DSCAM: variants seen among roughly 807,000 people sequenced by gnomAD.
DSCAM encodes DS cell adhesion molecule.
A neutral mutation model predicts 217.7 loss-of-function variants in DSCAM; 47 were observed. The ratio of observed to expected loss-of-function variants is 0.22; its 90% CI spans 0.17 to 0.28. The LOEUF is 0.28. Ranked by LOEUF, DSCAM falls within the 10% of genes least tolerant of loss-of-function variation. The pLI, the probability that DSCAM is intolerant of heterozygous loss-of-function variation, is 1.00. For synonymous variants in DSCAM, 1,056 were observed against 1,015.3 expected (o/e 1.04, Z -0.76); for missense variants, 2,080 against 2,618.3 (o/e 0.79, Z 4.49).
intron 3 of DSCAM, among the ~76,000 whole-genome samples, chr21:40,473,383 A>T (rs970966476): frequency 6.6e-6 from 1 of 152,242 alleles, no homozygotes; most frequent in African/African-American, 2.4e-5. Context: ...CATAGGCAGT[A>T]ACTAAATCAA....
At chr21:40,314,362 A>G (rs1319986855) in intron 8 of DSCAM, among the ~76,000 whole-genome samples, 2 of 152,156 alleles carry the variant, frequency 1.3e-5, no homozygotes, top group African/African-American at 2.4e-5. Flanking sequence ...CTCAATGTCA[A>G]TCCTCCTGTG....
intron 1 of DSCAM, among the ~76,000 whole-genome samples, chr21:40,755,456 A>AAAT (rs1555886086): frequency 6.6e-6 from 1 of 150,962 alleles, no homozygotes; most frequent in Non-Finnish European, 1.5e-5. Flanking sequence ...CACCTGCTAA[A>AAAT]AAATAAATAA....
chr21:40,623,106 G>C (rs1448314878), intron 3 of DSCAM, among the ~76,000 whole-genome samples: 1 of 152,172 alleles, frequency 6.6e-6, no homozygotes, highest in Non-Finnish European at 1.5e-5. Context: ...CCAGCAGAAT[G>C]GATGTGAGAT....
Position 40,254,506 on chromosome 21 carries a change from A to G in DSCAM, c.2356+21591T>C, listed in dbSNP as rs1234150663. On this transcript the variant is annotated intron_variant, in intron 11 of 32. Coordinates refer to ENST00000400454, the MANE Select transcript of DSCAM (RefSeq NM_001389.5). ...ACGAATGCATCTGATGCTTATAGTC[A>G]TGAGCTTTTCCAACCATTGAAAACA... is the stretch of plus-strand genomic sequence containing the variant. Among the ~76,000 whole-genome samples, 4 of 152,228 alleles carry G rather than the reference A, an allele frequency of 2.6e-5. No homozygotes were observed. The East Asian group carries it at 7.7e-4, about 29-fold the overall frequency.
intron 3 of DSCAM, among the ~76,000 whole-genome samples, chr21:40,670,805 A>C (rs1298667343): frequency 6.6e-6 from 1 of 152,212 alleles, no homozygotes; most frequent in Non-Finnish European, 1.5e-5. Flanking sequence ...ATGGGTGTAC[A>C]AACATTTCCC....
intron 4 of DSCAM, among the ~76,000 whole-genome samples, chr21:40,355,723 A>C (rs1288049734): frequency 6.6e-6 from 1 of 151,948 alleles, no homozygotes; most frequent in African/African-American, 2.4e-5. Context: ...AAATGCCATG[A>C]CTCTTTTGAT....
At chr21:40,834,080 A>G (rs1485471740) in intron 1 of DSCAM, among the ~76,000 whole-genome samples, 3 of 152,176 alleles carry the variant, frequency 2.0e-5, no homozygotes, top group African/African-American at 7.2e-5. Flanking sequence ...TTCTTTTAAA[A>G]GTAACCAAGT....
At chr21:40,338,655 A>G (rs898881729) in intron 7 of DSCAM, among the ~76,000 whole-genome samples, 2 of 152,340 alleles carry the variant, frequency 1.3e-5, no homozygotes. Flanking sequence ...AATTAATAGA[A>G]AGTAACTAGT....
chr21:40,144,437 C>T lies in DSCAM; in HGVS notation c.3259+54G>A. The T allele has an allele frequency of 6.2e-7, 1 of 1,603,280 alleles. No homozygotes were observed. The highest frequency in any genetic ancestry group is 8.5e-7 in the Non-Finnish European group (1 of 1,173,412). ...AGGTTGGGGGAGCCCCGGGGCAGAC[C>T]CGAGGGAACCTTTGCGGAGGGAAAA... On this transcript the variant is annotated intron_variant, in intron 17 of 32. Coordinates refer to ENST00000400454, the MANE Select transcript of DSCAM (RefSeq NM_001389.5). The surrounding 1 kb of genome is among the most constrained non-coding windows in gnomAD (Gnocchi z 4.8).
intron 1 of DSCAM, among the ~76,000 whole-genome samples, chr21:40,772,640 G>A (rs993076699): frequency 1.3e-5 from 2 of 152,146 alleles, no homozygotes; most frequent in Non-Finnish European, 2.9e-5. Flanking sequence ...TTGGTTTGGT[G>A]GCCTCCCCAG....
In DSCAM at chr21:40,677,646, T is replaced by A. The variant is rs372922547; in HGVS notation, c.508+15164A>T. On this transcript the variant is annotated intron_variant, in intron 3 of 32. Transcript: ENST00000400454. ...ATTTCCCTGCCTCCCAAAATTCATA[T>A]GTTGAAACCTAAACCTCAATGTGAT... Among the ~76,000 whole-genome samples, 6 of 152,206 alleles carry A rather than the reference T, an allele frequency of 3.9e-5. No individual in the cohort carries two copies. In the East Asian group the frequency reaches 7.7e-4, roughly 19 times the overall value.
chr21:40,614,870 C>T (rs1465373761), intron 3 of DSCAM, among the ~76,000 whole-genome samples: 1 of 152,138 alleles, frequency 6.6e-6, no homozygotes, highest in Admixed American at 6.6e-5. Flanking sequence ...TAAATTGCTG[C>T]ATAAATTATG....
At chr21:40,302,036 C>T (rs2074022343) in intron 9 of DSCAM, among the ~76,000 whole-genome samples, 1 of 152,202 alleles carries the variant, frequency 6.6e-6, no homozygotes, top group East Asian at 1.9e-4. Context: ...ACCACCAGTA[C>T]TCTATATTGT....
Position 40,206,686 on chromosome 21 carries a change from CA to C in DSCAM, c.2357-17449del, listed in dbSNP as rs537702443. ...AATCCTTGCTTTTCCTGGGATTTGC[CA>C]AAAAAAAAAAAAAATGTTCAAAAGA... On this transcript the variant is annotated intron_variant, in intron 11 of 32. Coordinates refer to ENST00000400454, the MANE Select transcript of DSCAM (RefSeq NM_001389.5). 5.7e-3 allele frequency among the ~76,000 whole-genome samples: 738 copies of C among 130,578 alleles called. 4 individuals are homozygous for C. Among genetic ancestry groups the C allele is most frequent in the East Asian group, 0.018 (73 of 4,016 alleles). The allele number at this position is 130,578 out of a possible 152,430, so 85.7% of individuals were successfully genotyped here. A position where few individuals can be genotyped will look rare whatever the true frequency, so the allele number is the denominator to read the frequency against.
At chr21:40,348,250 A>ACACAG (rs2074583932) in intron 5 of DSCAM, among the ~76,000 whole-genome samples, 8 of 152,350 alleles carry the variant, frequency 5.3e-5, no homozygotes, top group South Asian at 2.1e-4. Context: ...ATCATACCCC[A>ACACAG]TACGGTTCCT....
intron 3 of DSCAM, among the ~76,000 whole-genome samples, chr21:40,396,702 C>T (rs201766200): frequency 1.2e-4 from 17 of 146,668 alleles, no homozygotes; most frequent in Non-Finnish European, 1.8e-4. Flanking sequence ...CTACTACTAC[C>T]ACCACTCCTA....
chr21:40,357,637 A>G (rs549980590), intron 4 of DSCAM, among the ~76,000 whole-genome samples: 22 of 152,072 alleles, frequency 1.4e-4, no homozygotes, highest in African/African-American at 4.8e-4. Context: ...ATTATTCTGA[A>G]CTCTGTCTTC....
intron 3 of DSCAM, among the ~76,000 whole-genome samples, chr21:40,661,349 C>A (rs1241705492): frequency 6.6e-6 from 1 of 152,136 alleles, no homozygotes; most frequent in Non-Finnish European, 1.5e-5. Context: ...AAACATCTGA[C>A]TCTATGTTGG....
chr21:40,518,607 TACAC>T (rs200677204), intron 3 of DSCAM, among the ~76,000 whole-genome samples: 7 of 109,554 alleles, frequency 6.4e-5, no homozygotes, highest in South Asian at 2.7e-4. Context: ...CATATATACA[TACAC>T]ACACATATAT....
Sources: gnomAD v4.1 joint callset for allele counts (sites outside exome capture counted in the v4.1 genomes callset) on GRCh38, gnomAD v4.1.1 for gene constraint, Gnocchi (gnomAD v3.1) non-coding constraint, MANE v1.5 for transcripts, NCBI Gene and HGNC (gene_info 2026-07-23, HGNC 2026-07-21) for gene names.